BCAS3: variants seen among roughly 807,000 people sequenced by gnomAD.
BCAS3 encodes the protein BCAS4/BCAS3 fusion.
A neutral mutation model predicts 116.1 loss-of-function variants in BCAS3; 53 were observed. The ratio of observed to expected loss-of-function variants is 0.46; its 90% confidence interval spans 0.37 to 0.57. The LOEUF (loss-of-function observed/expected upper bound fraction) is 0.57. Among genes scored for constraint, BCAS3 ranks in the 20% least tolerant of loss-of-function variants. BCAS3 has a pLI of 0.00. For missense variants in BCAS3, 917 were observed against 1,165.4 expected (o/e 0.79, Z 3.10); for synonymous variants, 391 against 408.2 (o/e 0.96, Z 0.51).
At chr17:60,979,365 CTT>C in intron 14 of BCAS3, among the ~76,000 whole-genome samples, 1 of 148,266 alleles carries the variant, frequency 6.7e-6, no homozygotes, top group South Asian at 2.1e-4. Context: ...TATCCTGAGA[CTT>C]TGCTGAAGTT....
At chr17:61,055,426 G>A (rs2069276664) in intron 19 of BCAS3, among the ~76,000 whole-genome samples, 1 of 152,204 alleles carries the variant, frequency 6.6e-6, no homozygotes, top group Non-Finnish European at 1.5e-5. Flanking sequence ...CATTAAGTGT[G>A]CAGAGGAAGT....
chr17:61,180,632 T>TTA lies in BCAS3; in HGVS notation c.2425+96068_2425+96069insTA, dbSNP rs2079424549. ...GCAAATGAGGCACTTAGATAGCATG[T>TTA]GATGGCAGAAGCTTGCTACCTGTCT... On this transcript the variant is annotated intron_variant, in intron 22 of 23. Coordinates refer to ENST00000407086, the MANE Select transcript of BCAS3 (RefSeq NM_017679.5). This position sits in a 1 kb window ranked among gnomAD's most constrained non-coding sequence, Gnocchi z 6.0. 6.6e-6 allele frequency among the ~76,000 whole-genome samples: 1 copy of TTA among 152,190 alleles called. No individual in the cohort carries two copies. Among genetic ancestry groups the TTA allele is most frequent in the African/African-American group, 2.4e-5 (1 of 41,450 alleles).
At chr17:61,262,632 C>T (rs1444058622) in intron 22 of BCAS3, among the ~76,000 whole-genome samples, 5 of 152,020 alleles carry the variant, frequency 3.3e-5, no homozygotes, top group South Asian at 2.1e-4. Flanking sequence ...CCACCCGCCT[C>T]GGCCTCCCAA....
chr17:60,762,436 A>G (rs970349208), intron 6 of BCAS3, among the ~76,000 whole-genome samples: 13 of 152,022 alleles, frequency 8.6e-5, no homozygotes, highest in Non-Finnish European at 1.8e-4. Flanking sequence ...AGTTTTCCCA[A>G]CACCATTTAT....
chr17:60,699,165 A>C (rs1471947622), intron 4 of BCAS3, among the ~76,000 whole-genome samples: 3 of 152,222 alleles, frequency 2.0e-5, no homozygotes, highest in Non-Finnish European at 4.4e-5. Flanking sequence ...GATGATGTAC[A>C]CAAAAGCACA....
chr17:60,821,836 T>C (rs547249383), intron 7 of BCAS3: 2 of 152,254 alleles, frequency 1.3e-5, no homozygotes, highest in African/African-American at 4.8e-5. Flanking sequence ...CTACTGTGCC[T>C]CACTAATTTT....
At position 60,897,462 on chromosome 17, in the gene BCAS3, C is replaced by G. The variant is rs944374200; in HGVS notation, c.739-5158C>G. ...TCTGAATGTCCAAACTTTTGTTAGA[C>G]TTGGGAAGTTTTCATCTATTATTCC... On this transcript the variant is annotated intron_variant, in intron 10 of 23. Coordinates refer to ENST00000407086, the MANE Select transcript of BCAS3 (RefSeq NM_017679.5). Among the ~76,000 whole-genome samples the G allele has an allele frequency of 5.9e-5, 9 of 152,102 alleles. No homozygotes were observed. In the South Asian group the frequency reaches 6.2e-4, roughly 10 times the overall value.
chr17:61,029,178 CT>C lies in BCAS3; in HGVS notation c.1638-5483del, dbSNP rs1568161929. Among the ~76,000 whole-genome samples, 1 of 151,838 alleles carries C rather than the reference CT, an allele frequency of 6.6e-6. No individual in the cohort carries two copies. The highest frequency in any genetic ancestry group is 1.5e-5 in the Non-Finnish European group (1 of 67,842). On this transcript the variant is annotated intron_variant, in intron 16 of 23. Coordinates refer to ENST00000407086, the MANE Select transcript of BCAS3 (RefSeq NM_017679.5). The surrounding 1 kb of genome is among the most constrained non-coding windows in gnomAD (Gnocchi z 5.2). Reference sequence around the variant, plus strand: ...AAATGAAATGTAAATTTTCTACAAACTTTTTATTAGTTTCGAGTTGCAACGT... The same window carrying C: ...AAATGAAATGTAAATTTTCTACAAACTTTTATTAGTTTCGAGTTGCAACGT...
chr17:60,741,545 A>G (rs1331528865), intron 5 of BCAS3, among the ~76,000 whole-genome samples: 3 of 152,252 alleles, frequency 2.0e-5, no homozygotes, highest in Non-Finnish European at 4.4e-5. Context: ...AAAGTCTTAC[A>G]TCATCTGCCC....
intron 6 of BCAS3, among the ~76,000 whole-genome samples, chr17:60,799,830 A>G (rs892774687): frequency 7.1e-6 from 1 of 141,148 alleles, no homozygotes; most frequent in African/African-American, 2.7e-5. Flanking sequence ...TGCTGGGATT[A>G]TAGGCATGAG....
At chr17:61,138,892 G>C (rs1011258118) in intron 22 of BCAS3, among the ~76,000 whole-genome samples, 1 of 152,082 alleles carries the variant, frequency 6.6e-6, no homozygotes, top group African/African-American at 2.4e-5. Flanking sequence ...GAATGGTGAA[G>C]ATAAGAAAAT....
chr17:60,851,727 A>G lies in BCAS3; in HGVS notation c.477-16849A>G, dbSNP rs1489901213. 9 of 881,648 alleles carry G rather than the reference A, an allele frequency of 1.0e-5. No homozygotes were observed. In the East Asian group the frequency reaches 1.9e-4, roughly 19 times the overall value. 54.6% of individuals were successfully genotyped at this position (881,648 alleles called of 1,614,324 possible). A position where few individuals can be genotyped will look rare whatever the true frequency, so the allele number is the denominator to read the frequency against. ...CAGCCTCTGATGAAGCAGGAGAGAA[A>G]GAAGCCAAGTCTGATTAATACCATA... On this transcript the variant is annotated intron_variant, in intron 7 of 23. Coordinates refer to ENST00000407086, the MANE Select transcript of BCAS3 (RefSeq NM_017679.5).
intron 19 of BCAS3, among the ~76,000 whole-genome samples, chr17:61,060,114 A>AT (rs11371251): frequency 0.041 from 6,202 of 151,588 alleles, 455 homozygotes; most frequent in African/African-American, 0.14. Flanking sequence ...ACCTAAATAT[A>AT]TTTTTTTTAT....
At chr17:60,680,201 A>G (rs1245273953) in intron 2 of BCAS3, among the ~76,000 whole-genome samples, 1 of 151,520 alleles carries the variant, frequency 6.6e-6, no homozygotes, top group East Asian at 1.9e-4. Context: ...TATAGCTGAG[A>G]GTTTGTATTG....
intron 7 of BCAS3, among the ~76,000 whole-genome samples, chr17:60,826,848 A>G (rs1451091999): frequency 6.6e-6 from 1 of 152,200 alleles, no homozygotes; most frequent in Non-Finnish European, 1.5e-5. Context: ...GAAGCCCACA[A>G]AACAAATACT....
In BCAS3 at chr17:61,208,041, A is replaced by G. The variant is rs1346128357; in HGVS notation, c.2425+123477A>G. ...GAAATAACAAAAAACTTAGGAGATA[A>G]TGTTGATCACATACCCTTTTTTATT... On this transcript the variant is annotated intron_variant, in intron 22 of 23. Transcript: ENST00000407086. This position sits in a 1 kb window ranked among gnomAD's most constrained non-coding sequence, Gnocchi z 4.5. Among the ~76,000 whole-genome samples, 4 of 152,326 alleles carry G rather than the reference A, an allele frequency of 2.6e-5. No homozygotes were observed. Among genetic ancestry groups the G allele is most frequent in the Admixed American group, 6.5e-5 (1 of 15,302 alleles).
rs1306018231 is a variant in BCAS3, at chr17:61,017,796, T to C, written c.1637+1895T>C. Among the ~76,000 whole-genome samples, 4 of 152,170 alleles carry C rather than the reference T, an allele frequency of 2.6e-5. No individual in the cohort carries two copies. Among genetic ancestry groups the C allele is most frequent in the African/African-American group, 9.7e-5 (4 of 41,446 alleles). ...TCCATAAGAAGATAAAATCTCTTGC[T>C]TTCTTTCTCTCTCTCTCCCTCTTAC... On this transcript the variant is annotated intron_variant, in intron 16 of 23. Coordinates refer to ENST00000407086, the MANE Select transcript of BCAS3 (RefSeq NM_017679.5). This position sits in a 1 kb window ranked among gnomAD's most constrained non-coding sequence, Gnocchi z 4.7.
At chr17:60,977,342 G>C (rs956920790) in intron 14 of BCAS3, among the ~76,000 whole-genome samples, 2 of 151,924 alleles carry the variant, frequency 1.3e-5, no homozygotes, top group Non-Finnish European at 1.5e-5. Context: ...ACCACACCTG[G>C]CTATTTTTCT....
intron 22 of BCAS3, among the ~76,000 whole-genome samples, chr17:61,331,610 G>A (rs1311364624): frequency 6.6e-6 from 1 of 152,136 alleles, no homozygotes; most frequent in East Asian, 1.9e-4. Flanking sequence ...CTGGACAACA[G>A]GGTGAGACCC....
Sources: gnomAD v4.1 joint callset for allele counts (sites outside exome capture counted in the v4.1 genomes callset) on GRCh38, gnomAD v4.1.1 for gene constraint, Gnocchi (gnomAD v3.1) non-coding constraint, MANE v1.5 for transcripts, NCBI Gene and HGNC (gene_info 2026-07-23, HGNC 2026-07-21) for gene names.